MCF2L: variants seen among roughly 807,000 people sequenced by gnomAD.
MCF2L encodes the protein guanine nucleotide exchange factor DBS.
Under a neutral mutation model 153.4 loss-of-function variants are expected in MCF2L, and 97 were observed. That is an observed-to-expected ratio of 0.63 (90% CI 0.54 to 0.75). The LOEUF is 0.75. Among genes scored for constraint, MCF2L ranks in the 30% least tolerant of loss-of-function variants. The probability of loss-of-function intolerance (pLI) is 0.00; values close to 1 mark genes in which losing one functional copy is unlikely to be tolerated. For missense variants in MCF2L, 1,347 were observed against 1,495.2 expected (o/e 0.90, Z 1.64); for synonymous variants, 659 against 632.2 (o/e 1.04, Z -0.64).
At chr13:112,917,915 C>T (rs1037474139) in intron 2 of MCF2L, among the ~76,000 whole-genome samples, 5 of 152,350 alleles carry the variant, frequency 3.3e-5, no homozygotes, top group Admixed American at 1.3e-4. Flanking sequence ...GCTTGCGTCC[C>T]CAGGTGAACT....
chr13:113,075,202 G>A lies in MCF2L; in HGVS notation c.1308+13G>A, dbSNP rs199791820. 107 of 1,576,768 alleles carry A rather than the reference G, an allele frequency of 6.8e-5. 1 individual carries two copies. The highest frequency in any genetic ancestry group is 6.7e-5 in the African/African-American group (5 of 74,402). ...CCGCCTGGAGACGGTAGGCCGAGCC[G>A]GACCCCACCCCACTCCCCCCCAGCT... On this transcript the variant is annotated intron_variant, in intron 11 of 29. Coordinates refer to ENST00000535094, the MANE Select transcript of MCF2L (RefSeq NM_001112732.3).
intron 2 of MCF2L, among the ~76,000 whole-genome samples, chr13:112,905,069 A>G (rs916140516): frequency 1.3e-5 from 2 of 152,122 alleles, no homozygotes; most frequent in Admixed American, 1.3e-4. Context: ...TCCCCATTAA[A>G]CACCCGCTCC....
At position 113,083,983 on chromosome 13, in the gene MCF2L, A is replaced by AC; in HGVS notation, c.1992-13dup. ...GGCCTGTCTTTCATACTACTTAAAA[A>AC]CCTTCTTTGTCTAGGATATTCCTCA... On this transcript the variant is annotated splice_polypyrimidine_tract_variant and intron_variant, in intron 17 of 29. Coordinates refer to ENST00000535094, the MANE Select transcript of MCF2L (RefSeq NM_001112732.3). 1 of 1,607,986 alleles carries AC rather than the reference A, an allele frequency of 6.2e-7. No individual in the cohort carries two copies. Among genetic ancestry groups the AC allele is most frequent in the Non-Finnish European group, 8.5e-7 (1 of 1,174,712 alleles).
intron 1 of MCF2L, among the ~76,000 whole-genome samples, chr13:112,989,863 C>G (rs2082830190): frequency 6.6e-6 from 1 of 152,264 alleles, no homozygotes; most frequent in Non-Finnish European, 1.5e-5. Context: ...TGGAAGATAA[C>G]TTTTCCACAG....
At chr13:112,978,078 C>A (rs894647142) in intron 1 of MCF2L, among the ~76,000 whole-genome samples, 2 of 151,866 alleles carry the variant, frequency 1.3e-5, no homozygotes, top group African/African-American at 4.9e-5. Flanking sequence ...TGTCTCCAAA[C>A]AAACAAACAA....
chr13:112,911,733 T>C (rs985247097), intron 2 of MCF2L, among the ~76,000 whole-genome samples: 22 of 152,272 alleles, frequency 1.4e-4, no homozygotes, highest in Non-Finnish European at 2.6e-4. Flanking sequence ...ACCCGGGACC[T>C]CACACGGATG....
chr13:113,090,151 G>A (rs1319305105), intron 26 of MCF2L: 1 of 1,537,488 alleles, frequency 6.5e-7, no homozygotes, highest in Admixed American at 2.0e-5. Context: ...TAACCTCAAA[G>A]GTCAGAAAGG....
At chr13:112,998,707 G>A (rs531594561) in intron 1 of MCF2L, among the ~76,000 whole-genome samples, 2 of 152,310 alleles carry the variant, frequency 1.3e-5, no homozygotes, top group African/African-American at 4.8e-5. Context: ...GTCTTGCGCC[G>A]ATTGGAGGCC....
chr13:113,055,070 C>T (rs559880772), intron 4 of MCF2L, among the ~76,000 whole-genome samples: 266 of 152,260 alleles, frequency 1.7e-3, no homozygotes, highest in Non-Finnish European at 3.1e-3. Flanking sequence ...TTAGAACTTT[C>T]CCCAGCTTTT....
chr13:113,013,396 T>C (rs1359114118), intron 1 of MCF2L, among the ~76,000 whole-genome samples: 1 of 151,468 alleles, frequency 6.6e-6, no homozygotes, highest in African/African-American at 2.4e-5. Context: ...CCCTGCTGCT[T>C]CCCCCCCAAC....
chr13:113,075,142 A>G lies in MCF2L; in HGVS notation c.1261A>G (p.Arg421Gly), dbSNP rs1190558415. 41 of 1,612,128 alleles carry G rather than the reference A, an allele frequency of 2.5e-5. No individual in the cohort carries two copies. Among genetic ancestry groups the G allele is most frequent in the Non-Finnish European group, 3.4e-5 (40 of 1,179,454 alleles). The change falls in exon 11 of 30, where the codon AGG (arginine) becomes GGG (glycine). Residue 421 changes from arginine (R) to glycine (G), a missense_variant. Arg to Gly is a moderately radical substitution (Grantham distance 125). Around this residue, in one of 3 missense-constraint regions of MCF2L, gnomAD observed 820 missense variants for 921.2 expected, o/e 0.89. Coordinates refer to ENST00000535094, the MANE Select transcript of MCF2L (RefSeq NM_001112732.3). ...GTTCTCTGCGGAGATCGCAAGGAGGAGGGGGCTGCTCAGCAAGTCCCTGGA... is the reference window on the plus strand; with the variant it reads ...GTTCTCTGCGGAGATCGCAAGGAGGGGGGGGCTGCTCAGCAAGTCCCTGGA... Reference protein sequence around the residue: ...DQFSAEIARRRGLLSKSLELH... With the variant: ...DQFSAEIARRGGLLSKSLELH...
chr13:112,971,549 G>A (rs1206996289), intron 1 of MCF2L, among the ~76,000 whole-genome samples: 2 of 152,134 alleles, frequency 1.3e-5, no homozygotes, highest in African/African-American at 2.4e-5. Context: ...CCAACCCACA[G>A]GCATTTTATC....
intron 1 of MCF2L, among the ~76,000 whole-genome samples, chr13:112,991,593 A>G (rs907592739): frequency 3.3e-5 from 5 of 152,240 alleles, no homozygotes; most frequent in Non-Finnish European, 5.9e-5. Flanking sequence ...ATCTATCAGA[A>G]GTTTGCAAAT....
chr13:113,005,027 G>A (rs947603723), intron 1 of MCF2L, among the ~76,000 whole-genome samples: 11 of 152,180 alleles, frequency 7.2e-5, no homozygotes, highest in Non-Finnish European at 1.2e-4. Context: ...AGGAGTGAGC[G>A]TGTTAAAGAG....
At chr13:112,986,572 T>C (rs2082651311) in intron 1 of MCF2L, among the ~76,000 whole-genome samples, 1 of 152,040 alleles carries the variant, frequency 6.6e-6, no homozygotes, top group Admixed American at 6.5e-5. Context: ...GACCACGGGG[T>C]GTCTCTGAGG....
chr13:113,032,270 T>C (rs570557832), intron 3 of MCF2L, among the ~76,000 whole-genome samples: 6 of 152,234 alleles, frequency 3.9e-5, no homozygotes, highest in Non-Finnish European at 8.8e-5. Context: ...GTGGGTTTGA[T>C]TTCCTATTGA....
At position 112,951,934 on chromosome 13, in the gene MCF2L, G is replaced by A. The variant is rs536792380; in HGVS notation, c.169+49563G>A. ...GTCAACAAACCCACATACACGCACC[G>A]CATTACAAGGGCTTTACCAATATGT... On this transcript the variant is annotated intron_variant, in intron 2 of 29. Coordinates refer to the MCF2L transcript ENST00000375608. The surrounding 1 kb of genome is among the most constrained non-coding windows in gnomAD (Gnocchi z 4.8). 1.3e-5 allele frequency among the ~76,000 whole-genome samples: 2 copies of A among 152,286 alleles called. No individual in the cohort carries two copies. The highest frequency in any genetic ancestry group is 6.5e-5 in the Admixed American group (1 of 15,300).
At position 112,974,568 on chromosome 13, in the gene MCF2L, T is replaced by C. The variant is rs945920336; in HGVS notation, c.79+5110T>C. ...GAAAATCACATTTGTTGATCATCAA[T>C]ACCAGCTGAATACCAGAGGGTGCAC... On this transcript the variant is annotated intron_variant, in intron 1 of 29. Coordinates refer to ENST00000535094, the MANE Select transcript of MCF2L (RefSeq NM_001112732.3). 5.9e-5 allele frequency among the ~76,000 whole-genome samples: 9 copies of C among 152,302 alleles called. No homozygotes were observed. In the East Asian group the frequency reaches 1.5e-3, roughly 26 times the overall value.
In MCF2L at chr13:112,943,308, G is replaced by T. The variant is rs2081595081; in HGVS notation, c.169+40937G>T. 1.3e-5 allele frequency among the ~76,000 whole-genome samples: 2 copies of T among 152,336 alleles called. No homozygotes were observed. The highest frequency in any genetic ancestry group is 2.9e-5 in the Non-Finnish European group (2 of 68,020). On this transcript the variant is annotated intron_variant, in intron 2 of 29. Transcript: ENST00000375608. The surrounding 1 kb of genome is among the most constrained non-coding windows in gnomAD (Gnocchi z 4.2). ...TGTGCGCCCCACTCCCGAGGCTGTG[G>T]TTGGGGGGTCGCGGTCGAGCTCTAG...
Sources: allele counts gnomAD v4.1 joint callset (sites outside exome capture counted in the v4.1 genomes callset), GRCh38; gene constraint gnomAD v4.1.1; regional missense constraint gnomAD v4.1.1; non-coding constraint Gnocchi (gnomAD v3.1); transcripts MANE v1.5; gene names NCBI Gene and HGNC (gene_info 2026-07-23, HGNC 2026-07-21).